The following BRD7 variants were observed in gnomAD, a reference collection of about 807,000 sequenced individuals.
The protein encoded by BRD7 is bromodomain-containing protein 7.
BRD7 carries 15 observed loss-of-function variants against 82.1 expected under a neutral mutation model. The observed-to-expected ratio is 0.18, with a 90% CI of 0.12 to 0.28. BRD7 has a LOEUF of 0.28. Ranked by LOEUF, BRD7 falls within the 10% of genes least tolerant of loss-of-function variation. The pLI is 1.00. For missense variants in BRD7, 638 were observed against 779.9 expected (o/e 0.82, Z 2.17); for synonymous variants, 232 against 266.9 (o/e 0.87, Z 1.27).
At chr16:50,363,502 C>T (rs2039005975) in intron 2 of BRD7, among the ~76,000 whole-genome samples, 1 of 152,194 alleles carries the variant, frequency 6.6e-6, no homozygotes, top group Non-Finnish European at 1.5e-5. Flanking sequence ...TTAAATACCA[C>T]TGCTGTACAG....
chr16:50,350,280 T>C (rs956302931), intron 4 of BRD7, 113 bp from the exon 5 acceptor site: 6 of 726,610 alleles, frequency 8.3e-6, no homozygotes, highest in Admixed American at 8.1e-5. Context: ...ATTTGTAATA[T>C]GTTAACATAT....
Position 50,320,266 on chromosome 16 carries a change from A to C in BRD7, c.1738T>G (p.Tyr580Asp). Reference protein sequence around the residue: ...PNMICLLGPSYREMHLAEQVT... With the variant: ...PNMICLLGPSDREMHLAEQVT... Reference sequence around the variant, plus strand: ...AACATACCAAGATGCATTTCTCTGTATGAGGGACCCAAGAGACAGATCATG... The same window carrying C: ...AACATACCAAGATGCATTTCTCTGTCTGAGGGACCCAAGAGACAGATCATG... The change falls in exon 15 of 17, where the codon TAC becomes GAC. Residue 580 changes from tyrosine (Y) to aspartate (D), a missense_variant. Physicochemically the swap from Tyr to Asp is radical, Grantham distance 160 (BLOSUM62 -3). Around this residue, in one of 3 missense-constraint regions of BRD7, gnomAD observed 402 missense variants for 500.8 expected, o/e 0.80. Coordinates refer to ENST00000394688, the MANE Select transcript of BRD7 (RefSeq NM_013263.5). The C allele has an allele frequency of 6.2e-7, 1 of 1,613,298 alleles. No homozygotes were observed.
At chr16:50,356,439 C>T (rs1489702085) in intron 2 of BRD7, among the ~76,000 whole-genome samples, 1 of 152,102 alleles carries the variant, frequency 6.6e-6, no homozygotes, top group African/African-American at 2.4e-5. Flanking sequence ...ATTTACATAA[C>T]AGGTAATGTA....
At chr16:50,320,836 G>T in intron 13 of BRD7, 62 bp from the exon 14 acceptor site, 1 of 1,132,176 alleles carries the variant, frequency 8.8e-7, no homozygotes, top group Non-Finnish European at 1.3e-6. Context: ...GTGTTAACTA[G>T]AAATTACTCA....
rs551222297 is a variant in BRD7 at position 50,346,837 on chromosome 16, A to T, written c.591+3186T>A. Among the ~76,000 whole-genome samples, 155 of 152,366 alleles carry T rather than the reference A, an allele frequency of 1.0e-3. 1 individual carries two copies. The highest frequency in any genetic ancestry group is 3.6e-3 in the African/African-American group (151 of 41,598). On this transcript the variant is annotated intron_variant, in intron 5 of 16. Coordinates refer to ENST00000394688, the MANE Select transcript of BRD7 (RefSeq NM_013263.5). ...GCCAAATTCTACCAGAGGTACAAAG[A>T]GGAGCTGGTACTATTCCTTCTGAAA...
At chr16:50,354,347 T>C in intron 4 of BRD7, 78 bp downstream of exon 4, 1 of 1,224,356 alleles carries the variant, frequency 8.2e-7, no homozygotes, top group Non-Finnish European at 1.2e-6. Flanking sequence ...TGTTTGGAGT[T>C]AGGCACAAAT....
intron 6 of BRD7, among the ~76,000 whole-genome samples, chr16:50,337,978 A>G (rs529864104): frequency 1.1e-4 from 16 of 152,228 alleles, no homozygotes; most frequent in Non-Finnish European, 2.4e-4. Flanking sequence ...ACACGCCAGT[A>G]AAATTCAAGA....
chr16:50,323,512 G>A (rs2037206702), intron 12 of BRD7, 75 bp downstream of exon 12: 1 of 1,224,312 alleles, frequency 8.2e-7, no homozygotes, highest in Non-Finnish European at 1.2e-6. Context: ...TTAATCCCAT[G>A]GTTTCATTAT....
At chr16:50,340,927 T>C (rs1187616704) in intron 5 of BRD7, among the ~76,000 whole-genome samples, 2 of 152,060 alleles carry the variant, frequency 1.3e-5, no homozygotes, top group African/African-American at 2.4e-5. Flanking sequence ...CCCTACAAAT[T>C]TGTTTAAAAA....
intron 8 of BRD7, among the ~76,000 whole-genome samples, chr16:50,331,573 G>A (rs374002078): frequency 3.9e-5 from 6 of 152,114 alleles, no homozygotes; most frequent in African/African-American, 4.8e-5. Flanking sequence ...ATGGTGTCAC[G>A]CACCTGTACT....
intron 5 of BRD7, among the ~76,000 whole-genome samples, chr16:50,340,459 T>G (rs114032157): frequency 0.016 from 2,404 of 152,044 alleles, 61 homozygotes; most frequent in African/African-American, 0.055. Context: ...TTCATGTAAA[T>G]AAAAAAAATA....
At chr16:50,358,495 CAA>C (rs371307047) in intron 2 of BRD7, among the ~76,000 whole-genome samples, 19 of 122,000 alleles carry the variant, frequency 1.6e-4, no homozygotes, top group East Asian at 2.7e-4. Flanking sequence ...GATCCTGTCT[CAA>C]AAAAAAAAAA....
At chr16:50,340,389 A>T (rs1379337132) in intron 5 of BRD7, among the ~76,000 whole-genome samples, 1 of 152,226 alleles carries the variant, frequency 6.6e-6, no homozygotes, top group Non-Finnish European at 1.5e-5. Context: ...ATCTTACTGC[A>T]CATAAAAAAA....
At position 50,350,150 on chromosome 16, in the gene BRD7, A is replaced by C. The variant is rs2038459009; in HGVS notation, c.464T>G (p.Phe155Cys). 1 of 1,586,716 alleles carries C rather than the reference A, an allele frequency of 6.3e-7. No individual in the cohort carries two copies. The highest frequency in any genetic ancestry group is 8.5e-7 in the Non-Finnish European group (1 of 1,171,298). Residue 155 changes from phenylalanine (F) to cysteine (C), a missense_variant, in exon 5 of 17, where the codon TTC becomes TGC. Transcript: ENST00000394688. ...AAAATCAGTCACAGGAAATGAAAAG[A>C]AAGCACTTGGATCTTTTCTGTAAAG... is the stretch of plus-strand genomic sequence containing the variant. ...RQLQRKDPSA[F>C]FSFPVTDFIA...
At position 50,321,314 on chromosome 16, in the gene BRD7, A is replaced by G. The variant is rs370692179; in HGVS notation, c.1501-540T>C. Among the ~76,000 whole-genome samples, 19 of 152,318 alleles carry G rather than the reference A, an allele frequency of 1.2e-4. No homozygotes were observed. In the South Asian group the frequency reaches 3.9e-3, roughly 32 times the overall value. ...AGTGGCTCATGCCTGTAATCCCAGG[A>G]CTTCGGGAGGCCGAGGTGGGCGGAT... is the stretch of plus-strand genomic sequence containing the variant. On this transcript the variant is annotated intron_variant, in intron 13 of 16. Coordinates refer to ENST00000394688, the MANE Select transcript of BRD7 (RefSeq NM_013263.5).
chr16:50,367,699 T>C (rs1005164715), intron 2 of BRD7, among the ~76,000 whole-genome samples: 1 of 152,244 alleles, frequency 6.6e-6, no homozygotes, highest in African/African-American at 2.4e-5. Context: ...TTTGGCATTA[T>C]AATATTTATT....
intron 6 of BRD7, 87 bp from the exon 7 acceptor site, chr16:50,334,982 A>G: frequency 7.8e-7 from 1 of 1,280,018 alleles, no homozygotes; most frequent in Non-Finnish European, 1.1e-6. Flanking sequence ...GTTTATACTT[A>G]TCCTGTCATT....
At chr16:50,350,258 G>A in intron 4 of BRD7, 91 bp from the exon 5 acceptor site, 2 of 897,506 alleles carry the variant, frequency 2.2e-6, no homozygotes, top group East Asian at 3.2e-5. Context: ...AAACCCTTCA[G>A]ATGCAGAAAG....
chr16:50,352,392 T>C (rs1396147816), intron 4 of BRD7, among the ~76,000 whole-genome samples: 1 of 152,226 alleles, frequency 6.6e-6, no homozygotes, highest in Non-Finnish European at 1.5e-5. Context: ...TTTTTAATGG[T>C]GGAATAATAC....
Sources: gnomAD v4.1 joint callset for allele counts (sites outside exome capture counted in the v4.1 genomes callset) on GRCh38, gnomAD v4.1.1 for gene constraint, gnomAD v4.1.1 regional missense constraint, MANE v1.5 for transcripts, NCBI Gene and HGNC (gene_info 2026-07-23, HGNC 2026-07-21) for gene names.